SNX29: variants seen among roughly 807,000 people sequenced by gnomAD.
SNX29 encodes sorting nexin-29.
SNX29 carries 78 observed loss-of-function variants against 102.1 expected under a neutral mutation model. The observed-to-expected ratio is 0.76, with a 90% confidence interval of 0.64 to 0.92. SNX29 has a LOEUF of 0.92. Ranked by LOEUF, SNX29 falls within the 40% of genes least tolerant of loss-of-function variation. SNX29 has a pLI of 0.00. For missense variants in SNX29, 1,280 were observed against 1,061.7 expected, an observed-to-expected ratio of 1.21 and a Z score of -2.86; for synonymous variants, 580 against 414.5, an observed-to-expected ratio of 1.40 and a Z score of -4.85.
intron 14 of SNX29, among the ~76,000 whole-genome samples, chr16:12,267,957 C>T (rs898507824): frequency 2.0e-4 from 31 of 152,298 alleles, no homozygotes; most frequent in African/African-American, 6.3e-4. Flanking sequence ...TATCCTTTAG[C>T]CACATGGGGC....
intron 2 of SNX29, among the ~76,000 whole-genome samples, chr16:12,001,782 T>C (rs986626449): frequency 4.0e-5 from 6 of 151,826 alleles, no homozygotes; most frequent in East Asian, 1.9e-4. Flanking sequence ...CTTTGAGAGG[T>C]TGGGGCAGGA....
intron 10 of SNX29, among the ~76,000 whole-genome samples, chr16:12,072,247 G>A (rs967991548): frequency 2.0e-5 from 3 of 152,190 alleles, no homozygotes; most frequent in Non-Finnish European, 4.4e-5. Context: ...TCTTGTGCCA[G>A]TTTTCAAAGG....
At chr16:12,103,749 A>C (rs894357593) in intron 11 of SNX29, among the ~76,000 whole-genome samples, 1 of 152,246 alleles carries the variant, frequency 6.6e-6, no homozygotes, top group Non-Finnish European at 1.5e-5. Flanking sequence ...ATCAGAGTGA[A>C]CAGGCAACCC....
intron 14 of SNX29, among the ~76,000 whole-genome samples, chr16:12,269,483 C>T (rs4781200): frequency 0.61 from 93,382 of 152,052 alleles, 29,384 homozygotes; most frequent in African/African-American, 0.72. Flanking sequence ...ATAGGTCTTA[C>T]TGACCTATCT....
intron 14 of SNX29, among the ~76,000 whole-genome samples, chr16:12,268,035 G>T (rs754166952): frequency 4.6e-5 from 7 of 152,128 alleles, no homozygotes; most frequent in African/African-American, 1.7e-4. Flanking sequence ...TCCCGGGAAC[G>T]TTCTCTGCAG....
At chr16:12,321,561 G>T (rs939495979) in intron 15 of SNX29, among the ~76,000 whole-genome samples, 1 of 152,154 alleles carries the variant, frequency 6.6e-6, no homozygotes, top group Non-Finnish European at 1.5e-5. Flanking sequence ...GGAGTGCTTT[G>T]TTTTTGGAGC....
chr16:12,455,288 C>T (rs1257930899), intron 18 of SNX29, among the ~76,000 whole-genome samples: 3 of 152,186 alleles, frequency 2.0e-5, no homozygotes, highest in Admixed American at 6.5e-5. Flanking sequence ...CCCCACACCT[C>T]GTGGCCCTTT....
intron 10 of SNX29, among the ~76,000 whole-genome samples, chr16:12,070,209 G>T (rs916765193): frequency 7.9e-5 from 12 of 151,654 alleles, no homozygotes; most frequent in Admixed American, 4.6e-4. Context: ...TAAGTTTTAG[G>T]GTACATGTGC....
chr16:12,417,940 A>G lies in SNX29; in HGVS notation c.2037+14411A>G, dbSNP rs114815170. ...ATTGGATGGCTTCTTGGTACTCCGC[A>G]CTGTCTGTCTTTGGCCGCAGCATTG... On this transcript the variant is annotated intron_variant, in intron 18 of 20. Coordinates refer to ENST00000566228, the MANE Select transcript of SNX29 (RefSeq NM_032167.5). 5.6e-3 allele frequency among the ~76,000 whole-genome samples: 846 copies of G among 152,210 alleles called. 10 individuals carry two copies. The highest frequency in any genetic ancestry group is 0.019 in the African/African-American group (802 of 41,516).
intron 9 of SNX29, among the ~76,000 whole-genome samples, chr16:12,067,463 A>G (rs971913208): frequency 6.6e-6 from 1 of 151,962 alleles, no homozygotes; most frequent in African/African-American, 2.4e-5. Flanking sequence ...CTGGTTCCAT[A>G]GTGGTCATTC....
chr16:12,572,838 T>G lies in SNX29; in HGVS notation c.*4209T>G. The stretch of plus-strand genomic sequence containing the variant: ...AGGAGGCATCCCAGAAGGGGCAGCC[T>G]CATGCCCAGGTTTCAGCCCTAAAGG... On this transcript the variant is annotated 3_prime_UTR_variant, in exon 21 of 21. Transcript: ENST00000566228. 9.4e-7 allele frequency: 1 copy of G among 1,063,734 alleles called. No homozygotes were observed. The highest frequency in any genetic ancestry group is 1.1e-6 in the Non-Finnish European group (1 of 878,258). 65.9% of individuals were successfully genotyped at this position (1,063,734 alleles called of 1,614,324 possible). A position where few individuals can be genotyped will look rare whatever the true frequency, so the allele number is the denominator to read the frequency against.
At chr16:12,412,927 C>T (rs1045477151) in intron 18 of SNX29, among the ~76,000 whole-genome samples, 1 of 152,218 alleles carries the variant, frequency 6.6e-6, no homozygotes, top group African/African-American at 2.4e-5. Context: ...TCTGCTGTGT[C>T]TCAGGGCTAC....
chr16:12,253,585 A>G (rs911625397), intron 14 of SNX29, among the ~76,000 whole-genome samples: 4 of 152,134 alleles, frequency 2.6e-5, no homozygotes, highest in African/African-American at 9.7e-5. Context: ...CCATGTGAAC[A>G]CAGGCAGGGG....
At chr16:12,054,560 C>T (rs1177903400) in intron 8 of SNX29, among the ~76,000 whole-genome samples, 1 of 152,220 alleles carries the variant, frequency 6.6e-6, no homozygotes, top group Admixed American at 6.5e-5. Context: ...CTAGCTTCAG[C>T]TGGAACATGG....
At chr16:12,555,787 A>C (rs746170799) in intron 20 of SNX29, among the ~76,000 whole-genome samples, 1 of 151,396 alleles carries the variant, frequency 6.6e-6, no homozygotes, top group African/African-American at 2.5e-5. Context: ...GGCACCAGGC[A>C]GGCACACTCC....
In SNX29 at chr16:12,193,377, G is replaced by T. The variant is rs192411584; in HGVS notation, c.1596-6224G>T. Among the ~76,000 whole-genome samples the T allele has an allele frequency of 2.0e-3, 304 of 151,100 alleles. 1 individual carries two copies. Among genetic ancestry groups the T allele is most frequent in the South Asian group, 3.8e-3 (18 of 4,784 alleles). ...CCCAGCTACTTGGGATCTGAGGCAGGAGAATCACTTGAAGCCAGGAGGTGA... is the reference window on the plus strand; with the variant it reads ...CCCAGCTACTTGGGATCTGAGGCAGTAGAATCACTTGAAGCCAGGAGGTGA... On this transcript the variant is annotated intron_variant, in intron 13 of 20. Coordinates refer to ENST00000566228, the MANE Select transcript of SNX29 (RefSeq NM_032167.5).
rs2076108807 is a variant in SNX29 at position 12,170,039 on chromosome 16, T to C, written c.1596-29562T>C. On this transcript the variant is annotated intron_variant, in intron 13 of 20. Coordinates refer to ENST00000566228, the MANE Select transcript of SNX29 (RefSeq NM_032167.5). Reference sequence around the variant, plus strand: ...GGTTTCTTGCTCTCCGTGCCGACACTTGGGCTGGATAATCCTTTGTAGTGG... The same window carrying C: ...GGTTTCTTGCTCTCCGTGCCGACACCTGGGCTGGATAATCCTTTGTAGTGG... Among the ~76,000 whole-genome samples, 3 of 152,260 alleles carry C rather than the reference T, an allele frequency of 2.0e-5. No homozygotes were observed. The South Asian group carries it at 6.2e-4, about 32-fold the overall frequency.
intron 3 of SNX29, among the ~76,000 whole-genome samples, chr16:12,005,198 A>G (rs1000725069): frequency 6.6e-6 from 1 of 152,200 alleles, no homozygotes; most frequent in Non-Finnish European, 1.5e-5. Flanking sequence ...GTGGCATTAG[A>G]TCATTCGACT....
At chr16:12,421,118 T>C (rs2084856447) in intron 18 of SNX29, among the ~76,000 whole-genome samples, 1 of 152,196 alleles carries the variant, frequency 6.6e-6, no homozygotes. Context: ...CCTAAGGTCA[T>C]AGCTGGGAAA....
Sources: gnomAD v4.1 joint callset for allele counts (sites outside exome capture counted in the v4.1 genomes callset) on GRCh38, gnomAD v4.1.1 for gene constraint, MANE v1.5 for transcripts, NCBI Gene and HGNC (gene_info 2026-07-23, HGNC 2026-07-21) for gene names.